HSP90AA1: variants seen among roughly 807,000 people sequenced by gnomAD.
HSP90AA1 encodes heat shock protein HSP 90-alpha.
Under a neutral mutation model 73.3 loss-of-function variants are expected in HSP90AA1, and 18 were observed. The ratio of observed to expected loss-of-function variants is 0.25; its 90% CI spans 0.17 to 0.36. The LOEUF (loss-of-function observed/expected upper bound fraction) is 0.36. Ranked by LOEUF, HSP90AA1 falls within the 10% of genes least tolerant of loss-of-function variation. HSP90AA1 has a pLI of 1.00. For missense variants in HSP90AA1, 704 were observed against 874.2 expected, an observed-to-expected ratio of 0.81 and a Z score of 2.45; for synonymous variants, 477 against 296.9, an observed-to-expected ratio of 1.61 and a Z score of -6.24.
chr14:102,099,563 G>GA (rs2049467594), intron 2 of HSP90AA1, among the ~76,000 whole-genome samples: 2 of 150,706 alleles, frequency 1.3e-5, no homozygotes, highest in South Asian at 4.2e-4. Context: ...GTCTCAAAAA[G>GA]AAAAAAAATG....
In HSP90AA1 at chr14:102,084,279, C is replaced by A. The variant is rs543130257; in HGVS notation, c.1147+120G>T. On this transcript the variant is annotated intron_variant, in intron 6 of 10. Transcript: ENST00000216281. ...CAGGCTGGTCTTGAACTCCTGACCTCAAGTGATCTGCCCACCCCGGCCTCC... is the reference window on the plus strand; with the variant it reads ...CAGGCTGGTCTTGAACTCCTGACCTAAAGTGATCTGCCCACCCCGGCCTCC... The A allele has an allele frequency of 3.2e-5, 29 of 918,398 alleles. No homozygotes were observed. In the South Asian group the frequency reaches 4.0e-4, roughly 13 times the overall value. 56.9% of individuals were successfully genotyped at this position (918,398 alleles called of 1,614,324 possible).
chr14:102,092,389 T>A (rs7158241), intron 2 of HSP90AA1, among the ~76,000 whole-genome samples: 2 of 152,270 alleles, frequency 1.3e-5, no homozygotes, highest in Admixed American at 1.3e-4. Flanking sequence ...AATATTTAAT[T>A]CCATTGTGGT....
chr14:102,085,534 C>G (rs2049207267), intron 3 of HSP90AA1, 103 bp from the exon 4 acceptor site: 2 of 1,302,706 alleles, frequency 1.5e-6, no homozygotes, highest in African/African-American at 1.5e-5. Flanking sequence ...TTTGCCGTTA[C>G]TACAGATGCA....
At position 102,084,676 on chromosome 14, in the gene HSP90AA1, C is replaced by G. The variant is rs946683354; in HGVS notation, c.981+5G>C. The G allele has an allele frequency of 1.2e-6, 2 of 1,613,718 alleles. No individual in the cohort carries two copies. Among genetic ancestry groups the G allele is most frequent in the African/African-American group, 1.3e-5 (1 of 74,888 alleles). On this transcript the variant is annotated splice_donor_5th_base_variant and intron_variant, in intron 5 of 10. Coordinates refer to ENST00000216281, the MANE Select transcript of HSP90AA1 (RefSeq NM_005348.4). ...ACAAGCTTGAAGCACCCATCAGTCA[C>G]TCACCTTCACTGCCAAGTGATCTTC...
upstream of HSP90AA1, chr14:102,139,746 A>G: frequency 2.2e-6 from 2 of 927,680 alleles, no homozygotes. Context: ...ACGCCTGCGC[A>G]GTCGGGCCGT....
intron 7 of HSP90AA1, 39 bp from the exon 8 acceptor site, chr14:102,083,732 T>TAAAAAAAAAAAAAAAAAAAAAAAA: frequency 7.1e-7 from 1 of 1,400,550 alleles, no homozygotes. Context: ...CTTTCTGAAT[T>TAAAAAAAAAAAAAAAAAAAAAAAA]AAAAAAAAAA....
chr14:102,104,371 G>A (rs868139341), intron 1 of HSP90AA1, among the ~76,000 whole-genome samples: 1 of 151,916 alleles, frequency 6.6e-6, no homozygotes, highest in African/African-American at 2.4e-5. Context: ...CACCACGCCC[G>A]GCTAATTTTT....
At chr14:102,126,632 C>T (rs1044956488) in intron 1 of HSP90AA1, among the ~76,000 whole-genome samples, 1 of 152,134 alleles carries the variant, frequency 6.6e-6, no homozygotes, top group African/African-American at 2.4e-5. Context: ...TCACGCCATT[C>T]TCTTGCCTCA....
intron 1 of HSP90AA1, among the ~76,000 whole-genome samples, chr14:102,113,116 C>T (rs547645391): frequency 3.3e-5 from 5 of 151,866 alleles, no homozygotes; most frequent in Non-Finnish European, 5.9e-5. Flanking sequence ...CTCTGCCTCC[C>T]GGGTTCAAGC....
At chr14:102,129,541 C>T (rs1247655176) in intron 1 of HSP90AA1, among the ~76,000 whole-genome samples, 3 of 146,622 alleles carry the variant, frequency 2.0e-5, no homozygotes, top group East Asian at 4.0e-4. Context: ...CTTGCTGTGT[C>T]GCCCAGCCTA....
chr14:102,085,810 C>T lies in HSP90AA1; in HGVS notation c.477G>A (p.Gln159=), dbSNP rs2152612858. 1 of 1,613,976 alleles carries T rather than the reference C, an allele frequency of 6.2e-7. No homozygotes were observed. Among genetic ancestry groups the T allele is most frequent in the Non-Finnish European group, 8.5e-7 (1 of 1,179,854 alleles). ...CCCCTGCTGAGGACTCCCAAGCGTACTGCTCATCATCGTTATGTTTGGTGA... is the reference window on the plus strand; with the variant it reads ...CCCCTGCTGAGGACTCCCAAGCGTATTGCTCATCATCGTTATGTTTGGTGA... ...TVITKHNDDE[Q]YAWESSAGGS... is the part of the protein sequence containing the mutation. The change falls in exon 3 of 11, where the codon CAG becomes CAA. Residue 159 remains glutamine, a synonymous_variant. Transcript: ENST00000216281.
intron 1 of HSP90AA1, among the ~76,000 whole-genome samples, chr14:102,137,275 A>C (rs1461677083): frequency 6.6e-6 from 1 of 151,746 alleles, no homozygotes; most frequent in African/African-American, 2.4e-5. Flanking sequence ...CCCGGTTTGA[A>C]ATTGAAAATC....
At chr14:102,082,993 C>T (rs2049134531) in intron 9 of HSP90AA1, 41 bp downstream of exon 9, 3 of 1,593,370 alleles carry the variant, frequency 1.9e-6, no homozygotes, top group East Asian at 2.2e-5. Flanking sequence ...TTGAAAGCAC[C>T]TTAGAAGTAT....
chr14:102,100,744 C>A (rs1321605014), intron 2 of HSP90AA1, among the ~76,000 whole-genome samples: 1 of 152,140 alleles, frequency 6.6e-6, no homozygotes, highest in Non-Finnish European at 1.5e-5. Flanking sequence ...ATTTGCATTT[C>A]TTTGATTAGT....
intron 1 of HSP90AA1, among the ~76,000 whole-genome samples, chr14:102,121,938 A>C (rs2049782914): frequency 6.6e-6 from 1 of 152,236 alleles, no homozygotes; most frequent in South Asian, 2.1e-4. Flanking sequence ...TTGTCTTTTC[A>C]TATGGTGTCT....
chr14:102,121,195 C>A (rs766775684), intron 1 of HSP90AA1, among the ~76,000 whole-genome samples: 1 of 152,022 alleles, frequency 6.6e-6, no homozygotes, highest in Non-Finnish European at 1.5e-5. Flanking sequence ...GCCACCACAC[C>A]AGGCCTGTAT....
intron 2 of HSP90AA1, chr14:102,101,747 G>A: frequency 1.3e-6 from 1 of 764,432 alleles, no homozygotes; most frequent in East Asian, 2.7e-5. Context: ...TGGGTAGGCA[G>A]GGAATAAACA....
chr14:102,092,073 ATTTTT>A (rs1028963342), intron 2 of HSP90AA1, among the ~76,000 whole-genome samples: 1 of 142,376 alleles, frequency 7.0e-6, no homozygotes, highest in East Asian at 2.0e-4. Context: ...TTTGTTACTG[ATTTTT>A]TTTTTTTTGA....
intron 1 of HSP90AA1, among the ~76,000 whole-genome samples, chr14:102,131,046 G>T (rs1346242172): frequency 6.6e-6 from 1 of 152,180 alleles, no homozygotes; most frequent in Non-Finnish European, 1.5e-5. Flanking sequence ...CTACCTATCT[G>T]CTGATAACTG....
Sources: allele counts gnomAD v4.1 joint callset (sites outside exome capture counted in the v4.1 genomes callset), GRCh38; gene constraint gnomAD v4.1.1; transcripts MANE v1.5; gene names NCBI Gene and HGNC (gene_info 2026-07-23, HGNC 2026-07-21).